Variants in CAMTA1 observed in about 807,000 individuals in gnomAD.
CAMTA1 encodes the protein calmodulin binding transcription activator 1, also known as calmodulin-binding transcription activator 1.
A neutral mutation model predicts 170.9 loss-of-function variants in CAMTA1; 27 were observed. The ratio of observed to expected loss-of-function variants is 0.16; its 90% CI spans 0.12 to 0.22. CAMTA1 has a LOEUF of 0.22. CAMTA1 is among the 10% of genes least tolerant of loss of function. CAMTA1 has a pLI of 1.00. For synonymous variants in CAMTA1, 833 were observed against 891.5 expected (o/e 0.93, Z 1.17); for missense variants, 1,619 against 2,217.2 (o/e 0.73, Z 5.42).
intron 6 of CAMTA1, among the ~76,000 whole-genome samples, chr1:7,600,412 G>C (rs891348580): frequency 1.3e-5 from 2 of 151,792 alleles, no homozygotes; most frequent in Non-Finnish European, 2.9e-5. Context: ...TTTTTTTGTT[G>C]TGTCTCTGCC....
At chr1:6,803,746 A>G (rs1450695090) in intron 1 of CAMTA1, among the ~76,000 whole-genome samples, 2 of 152,064 alleles carry the variant, frequency 1.3e-5, no homozygotes, top group Non-Finnish European at 2.9e-5. Flanking sequence ...AGATGGTCTC[A>G]CTCTGTCATC....
chr1:7,143,974 A>G (rs1646034221), intron 4 of CAMTA1, among the ~76,000 whole-genome samples: 1 of 152,230 alleles, frequency 6.6e-6, no homozygotes, highest in Non-Finnish European at 1.5e-5. Flanking sequence ...ATCAAACACA[A>G]GGACATTTTT....
intron 3 of CAMTA1, among the ~76,000 whole-genome samples, chr1:6,941,895 G>C (rs1377158725): frequency 6.6e-6 from 1 of 152,168 alleles, no homozygotes. Context: ...GGAGAGGTGG[G>C]AGCCTTGGCT....
rs564649503 is a variant in CAMTA1 at position 6,850,221 on chromosome 1, C to CT, written c.234+25012dup. Among the ~76,000 whole-genome samples the CT allele has an allele frequency of 1.6e-3, 242 of 152,106 alleles. 4 individuals carry two copies. Among genetic ancestry groups the CT allele is most frequent in the Admixed American group, 0.014 (220 of 15,276 alleles). Reference sequence around the variant, plus strand: ...TTCTAATTATAACAGAAAGAAAAGACTAAGAAATTTTCATGTAAATCCAGC... The same window carrying CT: ...TTCTAATTATAACAGAAAGAAAAGACTTAAGAAATTTTCATGTAAATCCAGC... On this transcript the variant is annotated intron_variant, in intron 3 of 22. Coordinates refer to ENST00000303635, the MANE Select transcript of CAMTA1 (RefSeq NM_015215.4).
chr1:6,962,087 G>A (rs907009037), intron 3 of CAMTA1, among the ~76,000 whole-genome samples: 4 of 152,146 alleles, frequency 2.6e-5, no homozygotes, highest in Admixed American at 6.5e-5. Flanking sequence ...CAAGAGCCTG[G>A]AGCCTGCTGC....
At chr1:7,479,357 G>A (rs1330435275) in intron 6 of CAMTA1, among the ~76,000 whole-genome samples, 1 of 152,146 alleles carries the variant, frequency 6.6e-6, no homozygotes, top group East Asian at 1.9e-4. Flanking sequence ...TCCCCTCTCA[G>A]TTCTCCTGCC....
intron 6 of CAMTA1, among the ~76,000 whole-genome samples, chr1:7,587,973 G>A (rs901517718): frequency 2.0e-5 from 3 of 152,270 alleles, no homozygotes; most frequent in Non-Finnish European, 4.4e-5. Context: ...GTAGCTTCTG[G>A]GAGAACAGGT....
rs1211150078 is a variant in CAMTA1, at chr1:7,746,048, A to G, written c.4574A>G (p.Tyr1525Cys). Residue 1525 changes from tyrosine to cysteine, a missense_variant, in exon 18 of 23, where the codon TAT (tyrosine) becomes TGT (cysteine). By Grantham distance (194) the Tyr-to-Cys change is radical. Around this residue, in one of 8 missense-constraint regions of CAMTA1, gnomAD observed 128 missense variants for 213.5 expected, o/e 0.60. Coordinates refer to ENST00000303635, the MANE Select transcript of CAMTA1 (RefSeq NM_015215.4). ...TLSDHEQREL[Y>C]EAARLVQTAF... ...TCTGATCATGAACAGAGAGAACTCT[A>G]TGAGGCTGCCAGGCTTGTCCAGACA... 4 of 1,614,232 alleles carry G rather than the reference A, an allele frequency of 2.5e-6. No homozygotes were observed. Among genetic ancestry groups the G allele is most frequent in the Non-Finnish European group, 2.5e-6 (3 of 1,180,028 alleles).
At chr1:7,070,199 TG>T (rs1638449967) in intron 3 of CAMTA1, among the ~76,000 whole-genome samples, 1 of 152,058 alleles carries the variant, frequency 6.6e-6, no homozygotes, top group Non-Finnish European at 1.5e-5. Context: ...CAGCATCAGA[TG>T]GGGGCGGGCT....
At chr1:6,828,737 T>A (rs1406630869) in intron 3 of CAMTA1, among the ~76,000 whole-genome samples, 1 of 152,048 alleles carries the variant, frequency 6.6e-6, no homozygotes, top group Non-Finnish European at 1.5e-5. Flanking sequence ...TATTTTTTGG[T>A]CAAGAGAGCA....
Position 7,642,162 on chromosome 1 carries a change from G to C in CAMTA1, c.664+1609G>C, listed in dbSNP as rs143231962. Among the ~76,000 whole-genome samples the C allele has an allele frequency of 0.015, 2,212 of 152,264 alleles. 25 individuals carry two copies. The highest frequency in any genetic ancestry group is 0.027 in the Admixed American group (411 of 15,308). ...GCCCTGGCCTCCTCGAGCCCCCACGGGGGAGATGTCAGCTTCCCGCGCTTC... is the reference window on the plus strand; with the variant it reads ...GCCCTGGCCTCCTCGAGCCCCCACGCGGGAGATGTCAGCTTCCCGCGCTTC... On this transcript the variant is annotated intron_variant, in intron 7 of 22. Coordinates refer to ENST00000303635, the MANE Select transcript of CAMTA1 (RefSeq NM_015215.4). The surrounding 1 kb of genome is among the most constrained non-coding windows in gnomAD (Gnocchi z 6.3).
chr1:6,976,678 G>C (rs759226112), intron 3 of CAMTA1, among the ~76,000 whole-genome samples: 1 of 152,194 alleles, frequency 6.6e-6, no homozygotes, highest in Non-Finnish European at 1.5e-5. Flanking sequence ...CAAGCTCTCC[G>C]TGAAGGATGG....
chr1:7,636,664 A>G (rs1283430493), intron 6 of CAMTA1, among the ~76,000 whole-genome samples: 1 of 151,888 alleles, frequency 6.6e-6, no homozygotes, highest in Non-Finnish European at 1.5e-5. Flanking sequence ...AGCCGAGATC[A>G]TGCCATTGCA....
chr1:7,715,182 G>A (rs1454933366), intron 11 of CAMTA1, among the ~76,000 whole-genome samples: 2 of 152,156 alleles, frequency 1.3e-5, no homozygotes, highest in African/African-American at 2.4e-5. Context: ...GGGGGAATGG[G>A]CTGGGACAGG....
rs1036568716 is a variant in CAMTA1, at chr1:7,251,227, T to C, written c.438+1601T>C. Among the ~76,000 whole-genome samples, 1 of 152,200 alleles carries C rather than the reference T, an allele frequency of 6.6e-6. No homozygotes were observed. The highest frequency in any genetic ancestry group is 6.5e-5 in the Admixed American group (1 of 15,282). ...GGTGGAATTCTTCCTCAGCAGCAGCTGAGAAGCCGAGGGGAGAAAACAACC... is the reference window on the plus strand; with the variant it reads ...GGTGGAATTCTTCCTCAGCAGCAGCCGAGAAGCCGAGGGGAGAAAACAACC... On this transcript the variant is annotated intron_variant, in intron 5 of 22. Transcript: ENST00000303635. The surrounding 1 kb of genome is among the most constrained non-coding windows in gnomAD (Gnocchi z 5.1).
intron 7 of CAMTA1, among the ~76,000 whole-genome samples, chr1:7,657,664 G>A (rs4908668): frequency 3.1e-4 from 47 of 152,248 alleles, no homozygotes; most frequent in Admixed American, 7.9e-4. Flanking sequence ...GATTCATTCC[G>A]TGTTGGGAAG....
At chr1:7,599,778 G>T (rs2095426491) in intron 6 of CAMTA1, among the ~76,000 whole-genome samples, 1 of 152,116 alleles carries the variant, frequency 6.6e-6, no homozygotes, top group East Asian at 1.9e-4. Context: ...TGTGATTTTT[G>T]CACATTGATT....
chr1:7,321,937 A>G (rs1019310043), intron 5 of CAMTA1, among the ~76,000 whole-genome samples: 2 of 152,072 alleles, frequency 1.3e-5, no homozygotes, highest in Non-Finnish European at 2.9e-5. Flanking sequence ...AATTGGGAAC[A>G]TATCTTGAGT....
At chr1:6,822,827 AACAC>A (rs1264070849) in intron 2 of CAMTA1, among the ~76,000 whole-genome samples, 2 of 130,436 alleles carry the variant, frequency 1.5e-5, no homozygotes, top group African/African-American at 5.6e-5. Context: ...CACACACACA[AACAC>A]ACACACACGC....
Sources: allele counts gnomAD v4.1 joint callset (sites outside exome capture counted in the v4.1 genomes callset), GRCh38; gene constraint gnomAD v4.1.1; regional missense constraint gnomAD v4.1.1; non-coding constraint Gnocchi (gnomAD v3.1); transcripts MANE v1.5; gene names NCBI Gene and HGNC (gene_info 2026-07-23, HGNC 2026-07-21).